ANK1: variants seen among roughly 807,000 people sequenced by gnomAD.
ANK1 encodes ankyrin-1.
In ANK1, 51 loss-of-function variants were observed where a neutral mutation model predicts 210.4. That is an observed-to-expected ratio of 0.24 (90% CI 0.19 to 0.31). ANK1 has a LOEUF of 0.31. Ranked by LOEUF, ANK1 falls within the 10% of genes least tolerant of loss-of-function variation. The pLI is 1.00. For synonymous variants in ANK1, 967 were observed against 1,025.9 expected, an observed-to-expected ratio of 0.94 and a Z score of 1.10; for missense variants, 2,051 against 2,504.4, an observed-to-expected ratio of 0.82 and a Z score of 3.86.
chr8:41,783,519 A>G (rs1451111671), intron 1 of ANK1, among the ~76,000 whole-genome samples: 4 of 152,096 alleles, frequency 2.6e-5, no homozygotes, highest in Non-Finnish European at 4.4e-5. Flanking sequence ...TCTCCCAGGC[A>G]TGCAGAAAGA....
intron 1 of ANK1, among the ~76,000 whole-genome samples, chr8:41,825,813 G>C (rs927240265): frequency 2.0e-5 from 3 of 152,152 alleles, no homozygotes; most frequent in African/African-American, 7.2e-5. Flanking sequence ...AGATCTGATG[G>C]TTCTATAAAG....
chr8:41,855,300 A>C (rs1811996836), intron 1 of ANK1, among the ~76,000 whole-genome samples: 1 of 152,244 alleles, frequency 6.6e-6, no homozygotes, highest in African/African-American at 2.4e-5. Flanking sequence ...AATTCCGGTG[A>C]TCTCCAGACT....
intron 1 of ANK1, among the ~76,000 whole-genome samples, chr8:41,852,558 C>T (rs1811456148): frequency 6.6e-6 from 1 of 152,214 alleles, no homozygotes; most frequent in Admixed American, 6.5e-5. Flanking sequence ...GGCTCTGCAC[C>T]CAAAGACCTC....
chr8:41,797,688 G>A, upstream of ANK1: 3 of 1,251,036 alleles, frequency 2.4e-6, no homozygotes, highest in Non-Finnish European at 2.1e-6. This position sits in a 1 kb window ranked among gnomAD's most constrained non-coding sequence, Gnocchi z 4.0. Context: ...GCTTGCTGTC[G>A]GGCCGGGCGC....
Position 41,797,553 on chromosome 8 carries a change from AG to A in ANK1, c.-16del. 1 of 1,613,466 alleles carries A rather than the reference AG, an allele frequency of 6.2e-7. No homozygotes were observed. The highest frequency in any genetic ancestry group is 1.3e-5 in the African/African-American group (1 of 75,026). ...GAATAGGGCATGCCGGTCTTTCAGC[AG>A]GGGCCCGCCGAAGGGCCTTGGGGGC... is the stretch of plus-strand genomic sequence containing the variant. On this transcript the variant is annotated 5_prime_UTR_variant, in exon 1 of 43. Coordinates refer to ENST00000289734, the MANE Select transcript of ANK1 (RefSeq NM_000037.4). This position sits in a 1 kb window ranked among gnomAD's most constrained non-coding sequence, Gnocchi z 4.0.
intron 1 of ANK1, among the ~76,000 whole-genome samples, chr8:41,813,985 A>G (rs10110994): frequency 0.3 from 46,057 of 152,208 alleles, 7,332 homozygotes; most frequent in Admixed American, 0.43. Context: ...AGCATTGGTA[A>G]CATAATCAGT....
intron 6 of ANK1, among the ~76,000 whole-genome samples, chr8:41,725,232 G>T (rs1035093352): frequency 2.0e-5 from 3 of 152,206 alleles, no homozygotes; most frequent in Non-Finnish European, 4.4e-5. Context: ...GAGGGGCGGG[G>T]TGCAGGAGGG....
At chr8:41,865,405 G>T (rs1186767194) in intron 1 of ANK1, among the ~76,000 whole-genome samples, 1 of 151,990 alleles carries the variant, frequency 6.6e-6, no homozygotes, top group African/African-American at 2.4e-5. Context: ...CCTAACACAG[G>T]ACTGAACTCA....
chr8:41,754,954 G>A (rs979691319), intron 2 of ANK1, among the ~76,000 whole-genome samples: 1 of 152,232 alleles, frequency 6.6e-6, no homozygotes, highest in South Asian at 2.1e-4. Flanking sequence ...GGCAGCTGTG[G>A]GAATTAACCA....
chr8:41,827,786 C>G (rs1209538103), intron 1 of ANK1, among the ~76,000 whole-genome samples: 2 of 147,568 alleles, frequency 1.4e-5, no homozygotes, highest in African/African-American at 2.6e-5. Context: ...TGCTCACGCC[C>G]ACACACATGC....
At chr8:41,800,832 A>T (rs1039047302), upstream of ANK1, among the ~76,000 whole-genome samples, 1 of 151,984 alleles carries the variant, frequency 6.6e-6, no homozygotes, top group African/African-American at 2.4e-5. Context: ...CTCCTGCCTC[A>T]TCCTCCCGAG....
chr8:41,662,150 A>G (rs1447682141), intron 40 of ANK1, among the ~76,000 whole-genome samples: 1 of 152,000 alleles, frequency 6.6e-6, no homozygotes, highest in East Asian at 1.9e-4. Flanking sequence ...CCAGCTACTC[A>G]GGAGGCTGTG....
At chr8:41,710,700 G>A (rs1210116176) in intron 16 of ANK1, among the ~76,000 whole-genome samples, 1 of 152,258 alleles carries the variant, frequency 6.6e-6, no homozygotes, top group African/African-American at 2.4e-5. Flanking sequence ...CTCAGGGCAC[G>A]AGATTTCCCC....
intron 29 of ANK1, 90 bp downstream of exon 29, chr8:41,693,808 G>A (rs1820007413): frequency 2.1e-6 from 3 of 1,422,166 alleles, no homozygotes; most frequent in Admixed American, 2.0e-5. Context: ...TAAGGGGATT[G>A]CTGGCCTCGC....
chr8:41,664,450 TC>T (rs1227399463), intron 39 of ANK1, among the ~76,000 whole-genome samples: 1 of 151,702 alleles, frequency 6.6e-6, no homozygotes, highest in Non-Finnish European at 1.5e-5. Flanking sequence ...GCCACTGCAC[TC>T]CAGCCTGGAC....
chr8:41,655,420 C>A lies in ANK1; in HGVS notation c.*370G>T. On this transcript the variant is annotated 3_prime_UTR_variant, in exon 43 of 43. Coordinates refer to ENST00000289734, the MANE Select transcript of ANK1 (RefSeq NM_000037.4). The stretch of plus-strand genomic sequence containing the variant: ...AAAAAAAAAACCCCAAAACCAAAAC[C>A]CATCCCCAGCCACAAAAAGCCCTCA... 5.6e-6 allele frequency: 2 copies of A among 356,468 alleles called. No individual in the cohort carries two copies. Among genetic ancestry groups the A allele is most frequent in the Non-Finnish European group, 1.0e-5 (2 of 197,296 alleles). The allele number at this position is 356,468 out of a possible 1,614,324, so 22.1% of individuals were successfully genotyped here.
intron 1 of ANK1, among the ~76,000 whole-genome samples, chr8:41,790,481 G>T (rs1847435235): frequency 6.6e-6 from 1 of 152,038 alleles, no homozygotes; most frequent in South Asian, 2.1e-4. Flanking sequence ...ACTATCCTAA[G>T]TCAGGGAGCT....
At chr8:41,811,756 G>T (rs937434143) in intron 1 of ANK1, among the ~76,000 whole-genome samples, 1 of 152,344 alleles carries the variant, frequency 6.6e-6, no homozygotes, top group Non-Finnish European at 1.5e-5. Context: ...AGGTTATGCC[G>T]GTGCAATGTT....
At chr8:41,838,241 A>T (rs1808155873) in intron 1 of ANK1, among the ~76,000 whole-genome samples, 1 of 152,176 alleles carries the variant, frequency 6.6e-6, no homozygotes, top group Non-Finnish European at 1.5e-5. Flanking sequence ...AGGTTTGGTG[A>T]ATTGCCCAAG....
Sources: allele counts gnomAD v4.1 joint callset (sites outside exome capture counted in the v4.1 genomes callset), GRCh38; gene constraint gnomAD v4.1.1; non-coding constraint Gnocchi (gnomAD v3.1); transcripts MANE v1.5; gene names NCBI Gene and HGNC (gene_info 2026-07-23, HGNC 2026-07-21).